Variants in PKHD1 observed in about 807,000 individuals in gnomAD.
PKHD1 encodes PKHD1 ciliary IPT domain containing fibrocystin/polyductin, also known as fibrocystin.
A neutral mutation model predicts 412.0 loss-of-function variants in PKHD1; 291 were observed. The ratio of observed to expected loss-of-function variants is 0.71; its 90% CI spans 0.64 to 0.78. The LOEUF (loss-of-function observed/expected upper bound fraction) is 0.78, where lower values mean the gene tolerates loss of function less well. PKHD1 is among the 30% of genes least tolerant of loss of function. The pLI, the probability that PKHD1 is intolerant of heterozygous loss-of-function variation, is 0.00. For synonymous variants in PKHD1, 1,777 were observed against 1,821.5 expected (o/e 0.98, Z 0.62); for missense variants, 4,825 against 4,950.7 (o/e 0.97, Z 0.76).
intron 53 of PKHD1, among the ~76,000 whole-genome samples, chr6:51,788,393 G>A (rs141760046): frequency 6.6e-6 from 1 of 151,032 alleles, no homozygotes; most frequent in African/African-American, 2.4e-5. Flanking sequence ...CCCAGGATGT[G>A]GCTGACCTAT....
chr6:51,673,493 T>C (rs1775335025), intron 60 of PKHD1, among the ~76,000 whole-genome samples: 1 of 152,228 alleles, frequency 6.6e-6, no homozygotes, highest in South Asian at 2.1e-4. Context: ...TTCAGATAAA[T>C]AGCAATTGCC....
intron 46 of PKHD1, among the ~76,000 whole-genome samples, chr6:51,879,279 G>A (rs1777015538): frequency 5.0e-5 from 1 of 19,896 alleles, no homozygotes; most frequent in Non-Finnish European, 8.4e-5. Flanking sequence ...AAGTTCATAT[G>A]GAACCAAAAA....
chr6:52,026,892 C>T (rs1254892564), intron 31 of PKHD1, among the ~76,000 whole-genome samples: 1 of 152,160 alleles, frequency 6.6e-6, no homozygotes, highest in African/African-American at 2.4e-5. Flanking sequence ...TACAACGTGG[C>T]TTTTAAGAGG....
rs1057524563 is a variant in PKHD1 at position 51,746,721 on chromosome 6, C to T, written c.9998G>A (p.Arg3333Lys). 1.9e-6 allele frequency: 3 copies of T among 1,579,358 alleles called. No individual in the cohort carries two copies. Among genetic ancestry groups the T allele is most frequent in the Admixed American group, 3.3e-5 (2 of 59,870 alleles). The change falls in exon 59 of 67, where the codon AGG becomes AAG. Residue 3333 changes from arginine to lysine, a missense_variant and splice_region_variant. Arg to Lys is a conservative substitution (Grantham distance 26). Transcript: ENST00000371117. ...NKFYFPSLQPRKDLGKVVCPE... is the reference protein window; with the variant it reads ...NKFYFPSLQPKKDLGKVVCPE... ...TTATTATAAATACTAAAAATTATAC[C>T]TGGGTTGTAATGAAGGAAAGTAGAA... is the stretch of plus-strand genomic sequence containing the variant.
chr6:51,870,397 C>A (rs1006258531), intron 47 of PKHD1, 107 bp downstream of exon 47: 2 of 994,738 alleles, frequency 2.0e-6, no homozygotes, highest in Non-Finnish European at 3.1e-6. Context: ...CTGATGCAAT[C>A]TTATAACTGA....
intron 60 of PKHD1, among the ~76,000 whole-genome samples, chr6:51,670,614 C>T (rs1350654486): frequency 1.3e-5 from 2 of 151,412 alleles, no homozygotes; most frequent in East Asian, 1.9e-4. Context: ...TTATTTTGCT[C>T]GTTAGTTCAT....
At chr6:52,065,168 TAGAGAGAGAGAGAG>T (rs70977326) in intron 12 of PKHD1, 118 bp from the exon 13 acceptor site, 1 of 31,412 alleles carries the variant, frequency 3.2e-5, no homozygotes, top group African/African-American at 1.3e-4. Context: ...TATATATATA[TAGAGAGAGAGAGAG>T]AGAGAGAGAG....
chr6:52,071,687 T>C (rs770725357), intron 8 of PKHD1, among the ~76,000 whole-genome samples: 1 of 152,180 alleles, frequency 6.6e-6, no homozygotes, highest in Non-Finnish European at 1.5e-5. Context: ...GATGATTAGT[T>C]AGACAGGGTT....
chr6:51,847,781 A>G lies in PKHD1; in HGVS notation c.8101T>C (p.Tyr2701His), dbSNP rs2151627370. The G allele has an allele frequency of 1.2e-6, 2 of 1,606,608 alleles. No individual in the cohort carries two copies. Among genetic ancestry groups the G allele is most frequent in the Non-Finnish European group, 1.7e-6 (2 of 1,173,176 alleles). ...CATCCAATTGGATACTTACCCAGAT[A>G]GGTGAGTTGCCTCAGCTGGCTATTG... ...FFNSQLRQLT[Y>H]LVSGEGQVQV... is the part of the protein sequence containing the mutation. The change falls in exon 50 of 67, where the codon TAT (tyrosine) becomes CAT (histidine). Residue 2701 changes from tyrosine to histidine, a missense_variant. Transcript: ENST00000371117.
At chr6:51,703,740 T>C (rs1251306688) in intron 60 of PKHD1, among the ~76,000 whole-genome samples, 2 of 152,022 alleles carry the variant, frequency 1.3e-5, no homozygotes, top group Non-Finnish European at 2.9e-5. Flanking sequence ...ACATGCCTGA[T>C]TGATGACATA....
rs1437050929 is a variant in PKHD1 at position 51,746,981 on chromosome 6, G to A, written c.9830-92C>T. The A allele has an allele frequency of 1.0e-5, 8 of 797,098 alleles. No homozygotes were observed. The African/African-American group carries it at 1.2e-4, about 12-fold the overall frequency. The allele number at this position is 797,098 out of a possible 1,614,324, so 49.4% of individuals were successfully genotyped here. On this transcript the variant is annotated intron_variant, in intron 58 of 66. Transcript: ENST00000371117. ...TACAACTAAATATTGTTATAATAAT[G>A]TATACCCTAAGTTAGTTAAAGCTAT...
chr6:51,643,498 G>C (rs894687280), intron 63 of PKHD1, among the ~76,000 whole-genome samples: 1 of 152,132 alleles, frequency 6.6e-6, no homozygotes, highest in Non-Finnish European at 1.5e-5. Context: ...GGAAAGTCTG[G>C]AGAGTCTATG....
chr6:51,708,288 C>A (rs1780244578), intron 60 of PKHD1, among the ~76,000 whole-genome samples: 1 of 152,160 alleles, frequency 6.6e-6, no homozygotes, highest in African/African-American at 2.4e-5. Context: ...TTTCACTTCA[C>A]AAATCTCACT....
At chr6:51,907,257 T>G (rs1381672877) in intron 40 of PKHD1, among the ~76,000 whole-genome samples, 1 of 152,188 alleles carries the variant, frequency 6.6e-6, no homozygotes, top group South Asian at 2.1e-4. Context: ...GAAAAGTTAC[T>G]TTAGTTTACA....
intron 60 of PKHD1, among the ~76,000 whole-genome samples, chr6:51,662,501 A>T (rs1364138204): frequency 6.6e-6 from 1 of 151,992 alleles, no homozygotes; most frequent in African/African-American, 2.4e-5. Flanking sequence ...CTGGAAAAAA[A>T]TAACAGAACT....
intron 41 of PKHD1, among the ~76,000 whole-genome samples, chr6:51,904,864 C>T (rs778189255): frequency 1.1e-4 from 17 of 152,254 alleles, no homozygotes; most frequent in South Asian, 2.1e-4. Flanking sequence ...TTCCCTTGCA[C>T]GGACAAACAT....
At chr6:51,637,375 C>T (rs1205349021) in intron 64 of PKHD1, among the ~76,000 whole-genome samples, 1 of 152,100 alleles carries the variant, frequency 6.6e-6, no homozygotes, top group Admixed American at 6.5e-5. Context: ...CACTTTGACA[C>T]ATAAAGTATG....
chr6:51,844,295 C>T lies in PKHD1; in HGVS notation c.8107+3480G>A, dbSNP rs1385875920. ...ATAACCAGCCAGCCACTGATTAAAA[C>T]CCTAAGCCCCAAGCACTGGCCATGA... On this transcript the variant is annotated intron_variant, in intron 50 of 66. Coordinates refer to ENST00000371117, the MANE Select transcript of PKHD1 (RefSeq NM_138694.4). 2.6e-5 allele frequency among the ~76,000 whole-genome samples: 4 copies of T among 152,336 alleles called. No individual in the cohort carries two copies. The East Asian group carries it at 7.7e-4, about 29-fold the overall frequency.
chr6:52,020,906 T>C (rs1801301643), intron 33 of PKHD1, among the ~76,000 whole-genome samples: 1 of 29,704 alleles, frequency 3.4e-5, no homozygotes, highest in African/African-American at 7.8e-5. Flanking sequence ...ATAGACCTAC[T>C]TCCTAGGGAA....
Sources: allele counts gnomAD v4.1 joint callset (sites outside exome capture counted in the v4.1 genomes callset), GRCh38; gene constraint gnomAD v4.1.1; transcripts MANE v1.5; gene names NCBI Gene and HGNC (gene_info 2026-07-23, HGNC 2026-07-21).